The following BORCS5 variants were observed in gnomAD, a reference collection of about 807,000 sequenced individuals.
BORCS5 encodes BLOC-1-related complex subunit 5.
In BORCS5, 17 loss-of-function variants were observed where a neutral mutation model predicts 22.1. The ratio of observed to expected loss-of-function variants is 0.77; its 90% CI spans 0.53 to 1.15. The LOEUF (loss-of-function observed/expected upper bound fraction) is 1.15. BORCS5 is among the 50% of genes most tolerant of loss of function. The pLI, the probability that BORCS5 is intolerant of heterozygous loss-of-function variation, is 0.00. For missense variants in BORCS5, 247 were observed against 253.2 expected (o/e 0.98, Z 0.17); for synonymous variants, 117 against 99.8 (o/e 1.17, Z -1.03).
At chr12:12,368,486 C>CCAGG (rs1863453037) in intron 2 of BORCS5, among the ~76,000 whole-genome samples, 2 of 151,924 alleles carry the variant, frequency 1.3e-5, no homozygotes, top group African/African-American at 2.4e-5. Flanking sequence ...GATCTGTCAT[C>CCAGG]CAGGCTGGAG....
intron 3 of BORCS5, among the ~76,000 whole-genome samples, chr12:12,441,718 A>G (rs1942686498): frequency 9.0e-6 from 1 of 110,756 alleles, no homozygotes; most frequent in Non-Finnish European, 2.0e-5. Context: ...GGCAAAAAAA[A>G]AATTTTTTTT....
At chr12:12,357,991 G>A (rs949091982) in intron 1 of BORCS5, among the ~76,000 whole-genome samples, 3 of 152,190 alleles carry the variant, frequency 2.0e-5, no homozygotes, top group African/African-American at 7.2e-5. Context: ...CTTCTCAGAA[G>A]GTGTCTTGGT....
chr12:12,408,561 C>T (rs1423006298), intron 2 of BORCS5, among the ~76,000 whole-genome samples: 1 of 152,208 alleles, frequency 6.6e-6, no homozygotes, highest in South Asian at 2.1e-4. Context: ...TTCCTATCCT[C>T]TCTTCCTCCC....
chr12:12,362,636 C>CT (rs71436712), intron 2 of BORCS5, among the ~76,000 whole-genome samples: 3,723 of 57,528 alleles, frequency 0.065, 779 homozygotes, highest in Non-Finnish European at 0.095. Flanking sequence ...TGTTACTCAT[C>CT]TTTTTTTTTT....
intron 2 of BORCS5, among the ~76,000 whole-genome samples, chr12:12,399,536 A>G (rs2136070736): frequency 6.6e-6 from 1 of 152,326 alleles, no homozygotes; most frequent in East Asian, 1.9e-4. Context: ...CAATGGAGAT[A>G]ATGAAAGACC....
chr12:12,390,260 G>A (rs937794208), intron 2 of BORCS5, among the ~76,000 whole-genome samples: 1 of 152,062 alleles, frequency 6.6e-6, no homozygotes. Flanking sequence ...CTTTCAAAGA[G>A]CTTACATTCT....
chr12:12,427,386 T>C (rs1286856381), intron 2 of BORCS5, among the ~76,000 whole-genome samples: 1 of 152,034 alleles, frequency 6.6e-6, no homozygotes, highest in Non-Finnish European at 1.5e-5. Context: ...TTCACCGTGT[T>C]AGCCAGGATG....
intron 2 of BORCS5, among the ~76,000 whole-genome samples, chr12:12,392,697 G>A (rs1441687922): frequency 2.6e-5 from 4 of 152,070 alleles, no homozygotes; most frequent in East Asian, 1.9e-4. Context: ...ACTGTGTGAC[G>A]TATTGCAATT....
At chr12:12,378,024 A>G (rs563380193) in intron 2 of BORCS5, among the ~76,000 whole-genome samples, 23 of 152,340 alleles carry the variant, frequency 1.5e-4, no homozygotes, top group Non-Finnish European at 2.9e-4. Flanking sequence ...ATAGCACTTG[A>G]AGAAGAATGA....
chr12:12,441,901 C>G (rs868806290), intron 3 of BORCS5, among the ~76,000 whole-genome samples: 2 of 152,124 alleles, frequency 1.3e-5, no homozygotes, highest in Admixed American at 6.6e-5. Flanking sequence ...TGGTGGCAAA[C>G]CATTAGTCCT....
chr12:12,406,826 C>T (rs1941607410), intron 2 of BORCS5, among the ~76,000 whole-genome samples: 1 of 151,678 alleles, frequency 6.6e-6, no homozygotes, highest in South Asian at 2.1e-4. Context: ...AGAACACTTT[C>T]AGCTCCTTAA....
intron 2 of BORCS5, among the ~76,000 whole-genome samples, chr12:12,433,322 CAAAAAAAA>C (rs34833037): frequency 3.4e-4 from 14 of 40,670 alleles, no homozygotes; most frequent in African/African-American, 5.8e-4. Flanking sequence ...GACTGTGTCT[CAAAAAAAA>C]AAAAAAAAAA....
intron 2 of BORCS5, among the ~76,000 whole-genome samples, chr12:12,372,890 A>G (rs1265917129): frequency 2.6e-5 from 4 of 152,028 alleles, no homozygotes; most frequent in Non-Finnish European, 5.9e-5. Flanking sequence ...CTTCTCTCCC[A>G]TATTCTGTTG....
At chr12:12,408,044 A>G (rs1201274547) in intron 2 of BORCS5, among the ~76,000 whole-genome samples, 2 of 152,162 alleles carry the variant, frequency 1.3e-5, no homozygotes, top group Admixed American at 1.3e-4. Context: ...TGTAAATTGA[A>G]TCATACAGTT....
chr12:12,445,328 A>G (rs1942762481), intron 3 of BORCS5, among the ~76,000 whole-genome samples: 1 of 152,112 alleles, frequency 6.6e-6, no homozygotes, highest in Non-Finnish European at 1.5e-5. Flanking sequence ...GGTGCGAGTC[A>G]TCGTGCCTGC....
At chr12:12,405,293 A>T (rs915970800) in intron 2 of BORCS5, among the ~76,000 whole-genome samples, 7 of 152,238 alleles carry the variant, frequency 4.6e-5, no homozygotes, top group African/African-American at 1.7e-4. Context: ...GAGGAAAATG[A>T]TATTTTAAAT....
chr12:12,435,932 G>A, intron 3 of BORCS5, 147 bp downstream of exon 3: 1 of 767,740 alleles, frequency 1.3e-6, no homozygotes, highest in Non-Finnish European at 2.0e-6. Flanking sequence ...GAAAAAAGTG[G>A]TCCACAGAGC....
intron 2 of BORCS5, among the ~76,000 whole-genome samples, chr12:12,420,974 A>G (rs144763983): frequency 0.013 from 1,955 of 152,330 alleles, 38 homozygotes; most frequent in African/African-American, 0.044. Flanking sequence ...TTTTCTAAAT[A>G]TACAATCATG....
chr12:12,453,771 A>G (rs1045647410), intron 3 of BORCS5, among the ~76,000 whole-genome samples: 2 of 152,204 alleles, frequency 1.3e-5, no homozygotes, highest in African/African-American at 2.4e-5. Context: ...CTACACCACT[A>G]TGTAATTCCA....
Sources: allele counts gnomAD v4.1 joint callset (sites outside exome capture counted in the v4.1 genomes callset), GRCh38; gene constraint gnomAD v4.1.1; transcripts MANE v1.5; gene names NCBI Gene and HGNC (gene_info 2026-07-23, HGNC 2026-07-21).